UNC80: variants seen among roughly 807,000 people sequenced by gnomAD.
The protein encoded by UNC80 is protein unc-80 homolog.
In UNC80, 164 loss-of-function variants were observed where a neutral mutation model predicts 384.6. The observed-to-expected ratio is 0.43, with a 90% CI of 0.38 to 0.49. The LOEUF (loss-of-function observed/expected upper bound fraction) is 0.49. Among genes scored for constraint, UNC80 ranks in the 20% least tolerant of loss-of-function variants. The pLI is 0.00. For synonymous variants in UNC80, 1,486 were observed against 1,527.8 expected (o/e 0.97, Z 0.64); for missense variants, 3,330 against 4,143.0 (o/e 0.80, Z 5.39).
intron 25 of UNC80, among the ~76,000 whole-genome samples, chr2:209,886,569 TA>T (rs1376527807): frequency 6.6e-6 from 1 of 152,206 alleles, no homozygotes; most frequent in African/African-American, 2.4e-5. Flanking sequence ...AGGCTTACTT[TA>T]TTATATGAGA....
intron 26 of UNC80, among the ~76,000 whole-genome samples, chr2:209,888,637 A>G (rs2086048980): frequency 1.3e-5 from 2 of 151,616 alleles, no homozygotes; most frequent in African/African-American, 4.9e-5. Flanking sequence ...TTTTTGTGAG[A>G]CAGAGTCTCA....
intron 58 of UNC80, 69 bp from the exon 59 acceptor site, chr2:209,978,460 A>T: frequency 7.5e-7 from 1 of 1,327,976 alleles, no homozygotes; most frequent in East Asian, 2.7e-5. Context: ...ACAAGTGGTC[A>T]GGGAGGACTT....
At chr2:209,963,520 A>G (rs753161526) in intron 51 of UNC80, among the ~76,000 whole-genome samples, 2 of 152,232 alleles carry the variant, frequency 1.3e-5, no homozygotes. Context: ...TGGAAGCTCA[A>G]AATAGACAGA....
intron 7 of UNC80, among the ~76,000 whole-genome samples, chr2:209,804,332 C>A (rs988636949): frequency 2.0e-5 from 3 of 152,172 alleles, no homozygotes; most frequent in African/African-American, 7.2e-5. Flanking sequence ...GCTATTCCTG[C>A]CCATGGTTCT....
At chr2:209,864,438 A>G (rs1209150008) in intron 22 of UNC80, among the ~76,000 whole-genome samples, 2 of 152,150 alleles carry the variant, frequency 1.3e-5, no homozygotes, top group East Asian at 3.9e-4. Flanking sequence ...CCTCAGAGCT[A>G]TCTCAGGGAT....
In UNC80 at chr2:209,813,753, C is replaced by T. The variant is rs554862246; in HGVS notation, c.1112C>T (p.Pro371Leu). The T allele has an allele frequency of 7.8e-5, 121 of 1,551,864 alleles. No homozygotes were observed. The highest frequency in any genetic ancestry group is 6.7e-4 in the Middle Eastern group (4 of 5,992). ...TTGGAAGAGAAGCCAGAAAAGCCTC[C>T]GGAGCCAGATATTCCTCTCCTGCCC... ...HMLEEKPEKP[P>L]EPDIPLLPRP... The change falls in exon 8 of 65, where the codon CCG becomes CTG. Residue 371 changes from proline to leucine, a missense_variant. Physicochemically the swap from Pro to Leu is moderately conservative, Grantham distance 98 (BLOSUM62 -3). Coordinates refer to ENST00000673920, the MANE Select transcript of UNC80 (RefSeq NM_001371986.1).
chr2:209,994,289 A>G, intron 64 of UNC80, 25 bp downstream of exon 64: 1 of 1,532,146 alleles, frequency 6.5e-7, no homozygotes, highest in Non-Finnish European at 8.8e-7. Flanking sequence ...GAAACAGGCA[A>G]GGCTTGCTCC....
rs2079649571 is a variant in UNC80 at position 209,815,271 on chromosome 2, G to A, written c.1215G>A (p.Lys405=). Residue 405 remains lysine (K), a synonymous_variant, in exon 9 of 65, where the codon AAG becomes AAA. Transcript: ENST00000673920. ...NTHKTQDLTM[K]CNEEEKSLSS... ...CCTTTATTAAGGATCTCACCATGAA[G>A]TGTAACGAGGAGGAAAAATCTCTTA... 6 of 1,551,646 alleles carry A rather than the reference G, an allele frequency of 3.9e-6. No individual in the cohort carries two copies. The highest frequency in any genetic ancestry group is 5.2e-6 in the Non-Finnish European group (6 of 1,146,970).
At position 209,841,719 on chromosome 2, in the gene UNC80, C is replaced by G. The variant is rs528562367; in HGVS notation, c.3358-631C>G. On this transcript the variant is annotated intron_variant, in intron 20 of 64. Transcript: ENST00000673920. ...GAAATTACACAAATAATATGCAAGACTATAGCATATTTAGAAAATATATGT... is the reference window on the plus strand; with the variant it reads ...GAAATTACACAAATAATATGCAAGAGTATAGCATATTTAGAAAATATATGT... 3.9e-5 allele frequency among the ~76,000 whole-genome samples: 6 copies of G among 152,248 alleles called. No homozygotes were observed. The South Asian group carries it at 1.0e-3, about 26-fold the overall frequency.
intron 25 of UNC80, among the ~76,000 whole-genome samples, chr2:209,885,073 T>C (rs547059445): frequency 1.3e-5 from 2 of 151,762 alleles, no homozygotes; most frequent in Admixed American, 1.3e-4. Context: ...AAATTAATTC[T>C]TTTTAAAAAA....
At chr2:209,840,701 T>G (rs1332573149) in intron 20 of UNC80, 53 bp downstream of exon 20, 2 of 1,436,742 alleles carry the variant, frequency 1.4e-6, no homozygotes, top group Admixed American at 4.0e-5. Context: ...GATACAAACA[T>G]GTGAAGGCTG....
chr2:209,970,090 A>G (rs955244562), intron 53 of UNC80, 199 bp downstream of exon 53: 1 of 638,748 alleles, frequency 1.6e-6, no homozygotes, highest in Non-Finnish European at 2.6e-6. Context: ...CCCTACACAG[A>G]AGGGATTTTG....
intron 36 of UNC80, among the ~76,000 whole-genome samples, chr2:209,929,020 T>A (rs1029130091): frequency 6.6e-6 from 1 of 152,240 alleles, no homozygotes; most frequent in African/African-American, 2.4e-5. Flanking sequence ...TTTAATTAGT[T>A]ATAGAGACAC....
At chr2:209,979,591 A>G (rs1306524799) in intron 59 of UNC80, among the ~76,000 whole-genome samples, 1 of 152,208 alleles carries the variant, frequency 6.6e-6, no homozygotes, top group Non-Finnish European at 1.5e-5. Context: ...TGTGCTAGAG[A>G]TTTGGTGTTA....
intron 15 of UNC80, among the ~76,000 whole-genome samples, chr2:209,830,278 C>T (rs888120034): frequency 1.3e-5 from 2 of 152,144 alleles, no homozygotes; most frequent in Admixed American, 6.6e-5. Context: ...AATATTGCTC[C>T]TCTATAGAAC....
At chr2:209,973,387 C>CT in intron 56 of UNC80, 117 bp downstream of exon 56, 1 of 1,010,764 alleles carries the variant, frequency 9.9e-7, no homozygotes, top group Non-Finnish European at 1.4e-6. Flanking sequence ...TAAGTTCCAA[C>CT]TTAACTCAGA....
rs2083073171 is a variant in UNC80 at position 209,858,132 on chromosome 2, T to TA, written c.3627+8510dup. Reference sequence around the variant, plus strand: ...TGAAATCCCTCACAATGATGACAAATACGTTCATTTGTATTTACAGTGATG... The same window carrying TA: ...TGAAATCCCTCACAATGATGACAAATAACGTTCATTTGTATTTACAGTGATG... On this transcript the variant is annotated intron_variant, in intron 22 of 64. Transcript: ENST00000673920. 2.0e-5 allele frequency among the ~76,000 whole-genome samples: 3 copies of TA among 152,226 alleles called. No individual in the cohort carries two copies. The South Asian group carries it at 6.2e-4, about 32-fold the overall frequency.
intron 27 of UNC80, among the ~76,000 whole-genome samples, chr2:209,895,462 ATTAC>A (rs1387300610): frequency 6.6e-6 from 1 of 152,236 alleles, no homozygotes; most frequent in African/African-American, 2.4e-5. Context: ...TGATTTATGC[ATTAC>A]TTAAGATTCA....
chr2:209,855,538 A>G (rs35969300), intron 22 of UNC80, among the ~76,000 whole-genome samples: 26,709 of 151,832 alleles, frequency 0.18, 3,211 homozygotes, highest in African/African-American at 0.34. Context: ...AAATCTAAAA[A>G]TCACATATCC....
Sources: allele counts gnomAD v4.1 joint callset (sites outside exome capture counted in the v4.1 genomes callset), GRCh38; gene constraint gnomAD v4.1.1; transcripts MANE v1.5; gene names NCBI Gene and HGNC (gene_info 2026-07-23, HGNC 2026-07-21).